Variants in GPC5 observed in about 807,000 individuals in gnomAD.
The protein encoded by GPC5 is glypican-5.
GPC5 carries 47 observed loss-of-function variants against 53.9 expected under a neutral mutation model. The ratio of observed to expected loss-of-function variants is 0.87; its 90% CI spans 0.69 to 1.11. The LOEUF (loss-of-function observed/expected upper bound fraction) is 1.11. Ranked by LOEUF, GPC5 falls within the 50% of genes most tolerant of loss-of-function variation. The pLI is 0.00. For missense variants in GPC5, 748 were observed against 713.1 expected (o/e 1.05, Z -0.56); for synonymous variants, 286 against 263.3 (o/e 1.09, Z -0.84).
intron 5 of GPC5, among the ~76,000 whole-genome samples, chr13:91,820,213 A>T (rs1452585143): frequency 6.6e-6 from 1 of 152,046 alleles, no homozygotes; most frequent in Non-Finnish European, 1.5e-5. Flanking sequence ...GGTGTCTGTG[A>T]TGCACTAATT....
chr13:91,423,742 AATG>A (rs1878811698), intron 1 of GPC5, among the ~76,000 whole-genome samples: 1 of 152,214 alleles, frequency 6.6e-6, no homozygotes. Flanking sequence ...CACCTCAAAA[AATG>A]ATAAGTATGT....
At chr13:91,895,168 C>T (rs1330508470) in intron 5 of GPC5, among the ~76,000 whole-genome samples, 1 of 152,056 alleles carries the variant, frequency 6.6e-6, no homozygotes, top group Non-Finnish European at 1.5e-5. Context: ...CAGGTGGTTC[C>T]CACATGCTGG....
chr13:92,788,322 G>A (rs537610273), intron 7 of GPC5, among the ~76,000 whole-genome samples: 4 of 152,180 alleles, frequency 2.6e-5, no homozygotes, highest in Admixed American at 1.3e-4. Flanking sequence ...ATAAAAACCT[G>A]AATTCTACAA....
At chr13:91,685,105 G>A (rs955709468) in intron 2 of GPC5, among the ~76,000 whole-genome samples, 10 of 151,902 alleles carry the variant, frequency 6.6e-5, no homozygotes, top group African/African-American at 1.2e-4. Flanking sequence ...CCTGGGCAAC[G>A]TAGAGACACT....
At chr13:92,135,850 G>A (rs1331590386) in intron 6 of GPC5, among the ~76,000 whole-genome samples, 2 of 152,198 alleles carry the variant, frequency 1.3e-5, no homozygotes, top group Non-Finnish European at 2.9e-5. Flanking sequence ...AACATAACAT[G>A]ACACATTGTA....
At chr13:92,600,479 AATTCATTCATTC>A (rs372436108) in intron 7 of GPC5, among the ~76,000 whole-genome samples, 4 of 151,110 alleles carry the variant, frequency 2.6e-5, no homozygotes, top group Non-Finnish European at 4.4e-5. Context: ...TTTTCTTTTC[AATTCATTCATTC>A]ATTCATTCAT....
intron 5 of GPC5, among the ~76,000 whole-genome samples, chr13:91,764,306 A>T (rs960404462): frequency 6.6e-6 from 1 of 152,206 alleles, no homozygotes; most frequent in Non-Finnish European, 1.5e-5. Flanking sequence ...TGCGTGGTAT[A>T]TCATCTTCTG....
At chr13:91,549,356 A>G (rs1040948081) in intron 2 of GPC5, among the ~76,000 whole-genome samples, 2 of 152,090 alleles carry the variant, frequency 1.3e-5, no homozygotes, top group Non-Finnish European at 2.9e-5. Context: ...GACTTTTTAG[A>G]TGGTACACCA....
rs67775819 is a variant in GPC5 at position 91,398,656 on chromosome 13, CGGAGGCGGCGGCGGCGGCGGCAGT to C, written c.-388_-365del. 60,026 of 202,546 alleles carry C rather than the reference CGGAGGCGGCGGCGGCGGCGGCAGT, an allele frequency of 0.3. 10,052 individuals are homozygous for C. The highest frequency in any genetic ancestry group is 0.46 in the Middle Eastern group (268 of 578). The allele number at this position is 202,546 out of a possible 1,614,324, so 12.5% of individuals were successfully genotyped here. On this transcript the variant is annotated 5_prime_UTR_variant, in exon 1 of 8. Transcript: ENST00000377067. ...AGCTGCTGCGAGCCGAGCCGGGCGG[CGGAGGCGGCGGCGGCGGCGGCAGT>C]GGCGGCAGTGGCGGCAGTGGCGGCA... is the stretch of plus-strand genomic sequence containing the variant.
At chr13:92,718,546 G>A (rs1478712992) in intron 7 of GPC5, among the ~76,000 whole-genome samples, 1 of 152,080 alleles carries the variant, frequency 6.6e-6, no homozygotes, top group Non-Finnish European at 1.5e-5. Context: ...GTTATCAGGG[G>A]CTGGGAAGGG....
chr13:91,831,262 G>T (rs1054516519), intron 5 of GPC5, among the ~76,000 whole-genome samples: 5 of 151,398 alleles, frequency 3.3e-5, no homozygotes, highest in Non-Finnish European at 7.4e-5. Context: ...CATCCAGCAT[G>T]AGAGAAAGAT....
chr13:91,610,937 G>C (rs1372241771), intron 2 of GPC5, among the ~76,000 whole-genome samples: 2 of 152,090 alleles, frequency 1.3e-5, no homozygotes, highest in Non-Finnish European at 2.9e-5. Context: ...TTTTGTAAAG[G>C]CATGGGGGTC....
chr13:92,106,697 T>C (rs1378684058), intron 6 of GPC5, among the ~76,000 whole-genome samples: 1 of 152,118 alleles, frequency 6.6e-6, no homozygotes, highest in Non-Finnish European at 1.5e-5. Context: ...TGTTCATGTG[T>C]GCTAATTTTC....
intron 6 of GPC5, among the ~76,000 whole-genome samples, chr13:92,057,973 G>A (rs1455512834): frequency 6.6e-6 from 1 of 152,012 alleles, no homozygotes; most frequent in Non-Finnish European, 1.5e-5. Context: ...TCTGGACGGA[G>A]GCCTGTAGTC....
At chr13:92,392,435 A>G (rs796624465) in intron 7 of GPC5, among the ~76,000 whole-genome samples, 55 of 152,278 alleles carry the variant, frequency 3.6e-4, no homozygotes, top group African/African-American at 1.2e-3. Flanking sequence ...GTAAAACCCA[A>G]AACTATAAAA....
chr13:91,733,838 G>A (rs1032948089), intron 4 of GPC5, among the ~76,000 whole-genome samples: 1 of 152,078 alleles, frequency 6.6e-6, no homozygotes, highest in South Asian at 2.1e-4. Flanking sequence ...TTGTCTGATT[G>A]CCCCGGCCAG....
chr13:91,734,336 G>A, intron 4 of GPC5, among the ~76,000 whole-genome samples: 1 of 151,388 alleles, frequency 6.6e-6, no homozygotes, highest in Non-Finnish European at 1.5e-5. Flanking sequence ...TCTTTATGGG[G>A]ATTGTGCGAT....
At chr13:92,279,199 A>T (rs2042896329) in intron 7 of GPC5, among the ~76,000 whole-genome samples, 1 of 151,990 alleles carries the variant, frequency 6.6e-6, no homozygotes, top group African/African-American at 2.4e-5. Context: ...AATTTCTTTC[A>T]GTAATGTTTT....
At chr13:91,939,296 G>A (rs2039902363) in intron 6 of GPC5, among the ~76,000 whole-genome samples, 1 of 152,052 alleles carries the variant, frequency 6.6e-6, no homozygotes, top group Non-Finnish European at 1.5e-5. Flanking sequence ...ATGAACTAAA[G>A]GCTGCTTAAA....
Sources: allele counts gnomAD v4.1 joint callset (sites outside exome capture counted in the v4.1 genomes callset), GRCh38; gene constraint gnomAD v4.1.1; transcripts MANE v1.5; gene names NCBI Gene and HGNC (gene_info 2026-07-23, HGNC 2026-07-21).